LUC7L2: variants seen among roughly 807,000 people sequenced by gnomAD.
The protein encoded by LUC7L2 is LUC7 like 2, pre-mRNA splicing factor, also known as putative RNA-binding protein Luc7-like 2.
LUC7L2 carries 25 observed loss-of-function variants against 52.8 expected under a neutral mutation model. The ratio of observed to expected loss-of-function variants is 0.47; its 90% CI spans 0.34 to 0.66. LUC7L2 has a LOEUF of 0.66. Among genes scored for constraint, LUC7L2 ranks in the 30% least tolerant of loss-of-function variants. LUC7L2 has a pLI of 0.01. For missense variants in LUC7L2, 328 were observed against 497.8 expected, an observed-to-expected ratio of 0.66 and a Z score of 3.25; for synonymous variants, 144 against 160.9, an observed-to-expected ratio of 0.89 and a Z score of 0.80.
Position 139,423,031 on chromosome 7 carries a change from TA to T in LUC7L2, c.*692del, listed in dbSNP as rs1465369344. The T allele has an allele frequency of 1.8e-5, 7 of 398,760 alleles. No homozygotes were observed. The highest frequency in any genetic ancestry group is 4.4e-5 in the Admixed American group (1 of 22,678). 24.7% of individuals were successfully genotyped at this position (398,760 alleles called of 1,614,324 possible). On this transcript the variant is annotated 3_prime_UTR_variant, in exon 10 of 10. Coordinates refer to ENST00000354926, the MANE Select transcript of LUC7L2 (RefSeq NM_016019.5). ...TTGAATTGCTATGTTCAGGATGTTC[TA>T]GGGGGTGGGGGCAGGGACTCTTTTC... is the stretch of plus-strand genomic sequence containing the variant.
At chr7:139,385,998 G>A (rs1282495000) in intron 2 of LUC7L2, among the ~76,000 whole-genome samples, 2 of 152,118 alleles carry the variant, frequency 1.3e-5, no homozygotes, top group Non-Finnish European at 2.9e-5. Flanking sequence ...ATGAAAACTT[G>A]AAAACAATAA....
intron 1 of LUC7L2, among the ~76,000 whole-genome samples, chr7:139,349,615 C>A (rs1370092329): frequency 5.9e-5 from 1 of 16,924 alleles, no homozygotes; most frequent in Non-Finnish European, 9.2e-5. Context: ...GTCAACTGCT[C>A]CCCCCCCCCC....
At chr7:139,399,703 G>A (rs188724319) in intron 3 of LUC7L2, among the ~76,000 whole-genome samples, 5 of 151,598 alleles carry the variant, frequency 3.3e-5, no homozygotes, top group Admixed American at 2.6e-4. Context: ...TCTCCTGACC[G>A]CGTGATCCGC....
chr7:139,411,366 A>G (rs541204506), intron 7 of LUC7L2, among the ~76,000 whole-genome samples: 1 of 152,306 alleles, frequency 6.6e-6, no homozygotes, highest in East Asian at 1.9e-4. Flanking sequence ...AAAAAATCAT[A>G]ATCATTTACT....
chr7:139,351,027 G>A (rs974995468), intron 1 of LUC7L2, among the ~76,000 whole-genome samples: 4 of 152,072 alleles, frequency 2.6e-5, no homozygotes, highest in Non-Finnish European at 4.4e-5. Context: ...CATGTTCTGT[G>A]TATCCCTTAC....
intron 9 of LUC7L2, among the ~76,000 whole-genome samples, chr7:139,418,058 G>C (rs1403604887): frequency 2.0e-5 from 3 of 152,112 alleles, no homozygotes; most frequent in Non-Finnish European, 4.4e-5. Context: ...AGCAAATTAG[G>C]GGCTCTGAGA....
chr7:139,399,602 C>T (rs113775521), intron 3 of LUC7L2, among the ~76,000 whole-genome samples: 2 of 151,120 alleles, frequency 1.3e-5, no homozygotes, highest in African/African-American at 2.4e-5. Flanking sequence ...ACCGAGTAGC[C>T]GGGACTACAG....
upstream of LUC7L2, among the ~76,000 whole-genome samples, chr7:139,357,466 T>A (rs1799639227): frequency 6.6e-6 from 1 of 151,778 alleles, no homozygotes; most frequent in Non-Finnish European, 1.5e-5. Context: ...CAACAAAACA[T>A]AATTATTGGT....
intron 2 of LUC7L2, among the ~76,000 whole-genome samples, chr7:139,387,791 A>G (rs1230092668): frequency 4.6e-5 from 7 of 151,936 alleles, no homozygotes; most frequent in Non-Finnish European, 1.0e-4. Context: ...TTGCTGTGTC[A>G]TGCAGGACTG....
At chr7:139,417,785 A>G (rs1569396962) in intron 9 of LUC7L2, 56 bp downstream of exon 9, 2 of 1,547,604 alleles carry the variant, frequency 1.3e-6, no homozygotes, top group African/African-American at 2.8e-5. Flanking sequence ...AGAGTTGTTT[A>G]TGTTTACTTA....
chr7:139,386,404 A>ATTTTTT lies in LUC7L2; in HGVS notation c.156+10261_156+10266dup, dbSNP rs4028268. Among the ~76,000 whole-genome samples, 95 of 131,502 alleles carry ATTTTTT rather than the reference A, an allele frequency of 7.2e-4. 1 individual carries two copies. The highest frequency in any genetic ancestry group is 2.0e-3 in the African/African-American group (64 of 31,900). 86.3% of individuals were successfully genotyped at this position (131,502 alleles called of 152,430 possible). A position where few individuals can be genotyped will look rare whatever the true frequency, so the allele number is the denominator to read the frequency against. ...GAAATATTTTTCTCTGTCACTGGAAATTTTTTTTTTTTTTTTTTGAGATGG... is the reference window on the plus strand; with the variant it reads ...GAAATATTTTTCTCTGTCACTGGAAATTTTTTTTTTTTTTTTTTTTTTTTGAGATGG... On this transcript the variant is annotated intron_variant, in intron 2 of 9. Coordinates refer to ENST00000354926, the MANE Select transcript of LUC7L2 (RefSeq NM_016019.5).
At chr7:139,369,714 C>A (rs946657430) in intron 1 of LUC7L2, among the ~76,000 whole-genome samples, 1 of 142,922 alleles carries the variant, frequency 7.0e-6, no homozygotes, top group Non-Finnish European at 1.5e-5. Context: ...AAACATTAAT[C>A]TTTGATCATA....
At chr7:139,383,853 CCTCCCGAGTAG>C (rs1794074753) in intron 2 of LUC7L2, among the ~76,000 whole-genome samples, 1 of 151,194 alleles carries the variant, frequency 6.6e-6, no homozygotes, top group South Asian at 2.1e-4. Flanking sequence ...CCTGCCTCAG[CCTCCCGAGTAG>C]CTGGGACTAC....
At chr7:139,398,864 T>C (rs1794774870) in intron 3 of LUC7L2, among the ~76,000 whole-genome samples, 167 bp downstream of exon 3, 3 of 152,154 alleles carry the variant, frequency 2.0e-5, no homozygotes, top group Admixed American at 2.0e-4. Context: ...CTTTTAAAAA[T>C]ATGAGGTGAG....
intron 4 of LUC7L2, 151 bp downstream of exon 4, chr7:139,402,398 T>A: frequency 1.4e-6 from 1 of 718,266 alleles, no homozygotes; most frequent in South Asian, 2.1e-5. Flanking sequence ...TGTAAACATC[T>A]TATACAATAT....
upstream of LUC7L2, chr7:139,359,006 T>C (rs1799715864): frequency 6.6e-6 from 1 of 152,150 alleles, no homozygotes; most frequent in South Asian, 2.1e-4. Context: ...ACTAAAACAG[T>C]TTTTAGAAAC....
At chr7:139,410,477 A>C (rs1404505838) in intron 7 of LUC7L2, among the ~76,000 whole-genome samples, 6 of 152,146 alleles carry the variant, frequency 3.9e-5, no homozygotes, top group Non-Finnish European at 8.8e-5. Flanking sequence ...TTAATTGATA[A>C]AATCTTAGAA....
intron 1 of LUC7L2, among the ~76,000 whole-genome samples, chr7:139,350,203 G>A (rs577726443): frequency 6.6e-5 from 10 of 151,736 alleles, no homozygotes; most frequent in Non-Finnish European, 1.3e-4. Context: ...CTCACTGCAA[G>A]CTCCGCCTCC....
At chr7:139,420,305 G>A (rs147735645) in intron 9 of LUC7L2, among the ~76,000 whole-genome samples, 1 of 152,318 alleles carries the variant, frequency 6.6e-6, no homozygotes, top group East Asian at 1.9e-4. Flanking sequence ...GCGGGTTCAA[G>A]CGATTCTTTT....
Sources: allele counts gnomAD v4.1 joint callset (sites outside exome capture counted in the v4.1 genomes callset), GRCh38; gene constraint gnomAD v4.1.1; transcripts MANE v1.5; gene names NCBI Gene and HGNC (gene_info 2026-07-23, HGNC 2026-07-21).